Variants in RGS7 observed in about 807,000 individuals in gnomAD.
RGS7 encodes regulator of G-protein signaling 7.
RGS7 carries 27 observed loss-of-function variants against 81.1 expected under a neutral mutation model. That is an observed-to-expected ratio of 0.33 (90% CI 0.25 to 0.46). RGS7 has a LOEUF of 0.46. Ranked by LOEUF, RGS7 falls within the 20% of genes least tolerant of loss-of-function variation. The pLI is 1.00. For synonymous variants in RGS7, 208 were observed against 207.7 expected (o/e 1.00, Z -0.01); for missense variants, 396 against 607.4 (o/e 0.65, Z 3.66).
chr1:241,112,045 TCA>T (rs1415204002), intron 2 of RGS7, among the ~76,000 whole-genome samples: 2 of 152,126 alleles, frequency 1.3e-5, no homozygotes, highest in Non-Finnish European at 2.9e-5. Context: ...AATAGATGCC[TCA>T]GGTCATTCGA....
chr1:241,198,218 G>C (rs2073228036), intron 2 of RGS7, among the ~76,000 whole-genome samples: 1 of 151,852 alleles, frequency 6.6e-6, no homozygotes, highest in Non-Finnish European at 1.5e-5. Context: ...TGCTTAGAAA[G>C]AAATTTATAT....
intron 6 of RGS7, among the ~76,000 whole-genome samples, chr1:240,903,723 G>A (rs1670380559): frequency 6.6e-6 from 1 of 152,160 alleles, no homozygotes; most frequent in African/African-American, 2.4e-5. Flanking sequence ...TGGGTCATGG[G>A]TACAGATCCC....
At chr1:241,067,465 C>A (rs1269422994) in intron 3 of RGS7, among the ~76,000 whole-genome samples, 1 of 152,004 alleles carries the variant, frequency 6.6e-6, no homozygotes, top group Non-Finnish European at 1.5e-5. Flanking sequence ...GCTTTAAACA[C>A]CTCTATACTC....
intron 9 of RGS7, among the ~76,000 whole-genome samples, chr1:240,829,141 AC>A (rs1208114163): frequency 2.6e-5 from 4 of 152,176 alleles, no homozygotes; most frequent in Admixed American, 2.0e-4. Flanking sequence ...AATGAGGAAA[AC>A]ATTTTTTTTT....
chr1:241,158,018 C>T (rs1236145965), intron 2 of RGS7, among the ~76,000 whole-genome samples: 1 of 151,536 alleles, frequency 6.6e-6, no homozygotes, highest in Non-Finnish European at 1.5e-5. Flanking sequence ...GACAGGGTTT[C>T]ACCGTGTTAG....
intron 2 of RGS7, among the ~76,000 whole-genome samples, chr1:241,295,284 T>TA (rs144630615): frequency 0.27 from 39,259 of 146,648 alleles, 5,392 homozygotes; most frequent in Middle Eastern, 0.35. Context: ...CCGTCTCTAC[T>TA]AAAAAAAAAA....
intron 3 of RGS7, among the ~76,000 whole-genome samples, chr1:241,017,044 T>C (rs1012656618): frequency 1.3e-5 from 2 of 152,208 alleles, no homozygotes; most frequent in Non-Finnish European, 2.9e-5. Flanking sequence ...TATTTTTAAA[T>C]GATCTAAATC....
intron 2 of RGS7, among the ~76,000 whole-genome samples, chr1:241,106,752 C>CCCCACACACACACACACACACACA (rs1553421293): frequency 8.2e-6 from 1 of 121,684 alleles, no homozygotes; most frequent in Non-Finnish European, 1.6e-5. Context: ...AACACCACCA[C>CCCCACACACACACACACACACACA]CACACACACA....
chr1:241,121,092 T>C (rs193186324), intron 2 of RGS7, among the ~76,000 whole-genome samples: 7 of 152,308 alleles, frequency 4.6e-5, no homozygotes, highest in African/African-American at 1.7e-4. Flanking sequence ...TTACTCCCCT[T>C]GCCTGGGCTC....
rs2062422164 is a variant in RGS7, at chr1:241,071,253, A to G, written c.175+27413T>C. Reference sequence around the variant, plus strand: ...TGTCTTGCTGGGTATTTTGGGATTCATGGAAAATAAAAAGAAAAAATGAAA... The same window carrying G: ...TGTCTTGCTGGGTATTTTGGGATTCGTGGAAAATAAAAAGAAAAAATGAAA... On this transcript the variant is annotated intron_variant, in intron 3 of 18. Coordinates refer to ENST00000440928, the MANE Select transcript of RGS7 (RefSeq NM_001364886.1). Among the ~76,000 whole-genome samples the G allele has an allele frequency of 2.6e-5, 4 of 152,304 alleles. No homozygotes were observed. In the South Asian group the frequency reaches 8.3e-4, roughly 32 times the overall value.
chr1:241,310,121 A>C (rs2080418951), intron 2 of RGS7, among the ~76,000 whole-genome samples: 1 of 152,344 alleles, frequency 6.6e-6, no homozygotes, highest in South Asian at 2.1e-4. Context: ...ACTGCCCAGG[A>C]AGACAACATG....
At chr1:241,314,178 G>C (rs1558306661) in intron 2 of RGS7, among the ~76,000 whole-genome samples, 2 of 152,238 alleles carry the variant, frequency 1.3e-5, no homozygotes, top group African/African-American at 2.4e-5. Context: ...AAGTCCTTCT[G>C]TGGATAAAAT....
At chr1:240,896,312 CT>C (rs781011657) in intron 6 of RGS7, among the ~76,000 whole-genome samples, 3 of 152,122 alleles carry the variant, frequency 2.0e-5, no homozygotes, top group Non-Finnish European at 4.4e-5. Context: ...TCAATTTTGT[CT>C]TTTGTTGCCA....
chr1:240,931,599 T>TA (rs1268526877), intron 5 of RGS7, among the ~76,000 whole-genome samples: 1 of 152,066 alleles, frequency 6.6e-6, no homozygotes, highest in Non-Finnish European at 1.5e-5. Context: ...AAATTTAAAT[T>TA]AAAAAAACCT....
intron 6 of RGS7, among the ~76,000 whole-genome samples, chr1:240,887,014 T>C (rs953908314): frequency 9.9e-5 from 15 of 152,144 alleles, no homozygotes; most frequent in African/African-American, 2.9e-4. Context: ...AGAATAAAGA[T>C]ACTTGGTGTG....
chr1:241,061,041 C>T (rs1010950987), intron 3 of RGS7, among the ~76,000 whole-genome samples: 1 of 152,106 alleles, frequency 6.6e-6, no homozygotes, highest in Non-Finnish European at 1.5e-5. Context: ...AAGGGTTCTG[C>T]CAGAATAAAC....
intron 3 of RGS7, among the ~76,000 whole-genome samples, chr1:241,033,216 T>C (rs1229965617): frequency 6.6e-6 from 1 of 152,110 alleles, no homozygotes; most frequent in Non-Finnish European, 1.5e-5. Context: ...CTGGGCGTGA[T>C]GGTGCACACC....
At chr1:241,106,752 C>CCACACACACACACACACA (rs778017157) in intron 2 of RGS7, among the ~76,000 whole-genome samples, 2,057 of 121,604 alleles carry the variant, frequency 0.017, 78 homozygotes, top group African/African-American at 0.055. Flanking sequence ...AACACCACCA[C>CCACACACACACACACACA]CACACACACA....
intron 3 of RGS7, among the ~76,000 whole-genome samples, chr1:240,996,911 C>T (rs543205915): frequency 1.5e-4 from 23 of 151,652 alleles, no homozygotes; most frequent in African/African-American, 5.6e-4. Context: ...CAGTGGATTG[C>T]ATTAATATTT....
Sources: gnomAD v4.1 joint callset for allele counts (sites outside exome capture counted in the v4.1 genomes callset) on GRCh38, gnomAD v4.1.1 for gene constraint, MANE v1.5 for transcripts, NCBI Gene and HGNC (gene_info 2026-07-23, HGNC 2026-07-21) for gene names.